The following HOOK1 variants were observed in gnomAD, a reference collection of about 807,000 sequenced individuals.
The protein encoded by HOOK1 is protein Hook homolog 1.
A neutral mutation model predicts 112.8 loss-of-function variants in HOOK1; 60 were observed. The observed-to-expected ratio is 0.53, with a 90% CI of 0.43 to 0.66. The LOEUF is 0.66. Among genes scored for constraint, HOOK1 ranks in the 30% least tolerant of loss-of-function variants. The probability of loss-of-function intolerance (pLI) is 0.00; values close to 1 mark genes in which losing one functional copy is unlikely to be tolerated. For synonymous variants in HOOK1, 294 were observed against 283.8 expected, an observed-to-expected ratio of 1.04 and a Z score of -0.36; for missense variants, 770 against 856.0, an observed-to-expected ratio of 0.90 and a Z score of 1.25.
At chr1:59,871,707 C>T (rs1644057598) in intron 21 of HOOK1, among the ~76,000 whole-genome samples, 1 of 152,142 alleles carries the variant, frequency 6.6e-6, no homozygotes. Flanking sequence ...GGTTCTTTTG[C>T]ATTATTCTAG....
chr1:59,842,037 T>C (rs1284833253), intron 8 of HOOK1, among the ~76,000 whole-genome samples: 1 of 152,232 alleles, frequency 6.6e-6, no homozygotes, highest in African/African-American at 2.4e-5. Context: ...TGGAGCCACA[T>C]TGAAGCATAT....
chr1:59,859,053 T>A lies in HOOK1; in HGVS notation c.1391+8T>A. 3 of 1,424,332 alleles carry A rather than the reference T, an allele frequency of 2.1e-6. No individual in the cohort carries two copies. Among genetic ancestry groups the A allele is most frequent in the Non-Finnish European group, 2.8e-6 (3 of 1,055,332 alleles). The allele number at this position is 1,424,332 out of a possible 1,614,324, so 88.2% of individuals were successfully genotyped here. A position where few individuals can be genotyped will look rare whatever the true frequency, so the allele number is the denominator to read the frequency against. On this transcript the variant is annotated splice_region_variant and intron_variant, in intron 14 of 21. Coordinates refer to ENST00000371208, the MANE Select transcript of HOOK1 (RefSeq NM_015888.6). ...TATGCCAGTGGAATATAGGTAAATT[T>A]GTTTCATAATTTGATAGAATTATAT... is the stretch of plus-strand genomic sequence containing the variant.
At chr1:59,827,052 A>G (rs554382554) in intron 2 of HOOK1, among the ~76,000 whole-genome samples, 1 of 152,260 alleles carries the variant, frequency 6.6e-6, no homozygotes, top group East Asian at 1.9e-4. Context: ...GGCATGAGCC[A>G]TGCGCCTGGC....
chr1:59,840,288 T>G lies in HOOK1; in HGVS notation c.538-20T>G. 6.5e-7 allele frequency: 1 copy of G among 1,536,080 alleles called. No homozygotes were observed. Among genetic ancestry groups the G allele is most frequent in the Non-Finnish European group, 8.8e-7 (1 of 1,140,770 alleles). ...TGTCAAAACACGATTTACTAAGATTTAGGACATTTTGTATTTCAGCTTAAA... is the reference window on the plus strand; with the variant it reads ...TGTCAAAACACGATTTACTAAGATTGAGGACATTTTGTATTTCAGCTTAAA... On this transcript the variant is annotated intron_variant, in intron 7 of 21. Coordinates refer to ENST00000371208, the MANE Select transcript of HOOK1 (RefSeq NM_015888.6).
intron 9 of HOOK1, 33 bp from the exon 10 acceptor site, chr1:59,847,012 A>G: frequency 6.5e-7 from 1 of 1,532,524 alleles, no homozygotes; most frequent in Non-Finnish European, 8.8e-7. Context: ...AAATCATGGA[A>G]GTTATAAATA....
chr1:59,835,473 C>A, intron 6 of HOOK1, 61 bp downstream of exon 6: 1 of 927,676 alleles, frequency 1.1e-6, no homozygotes. Flanking sequence ...CAAAACTTTT[C>A]ATACTTTATG....
At chr1:59,828,229 A>G (rs960661938) in intron 2 of HOOK1, among the ~76,000 whole-genome samples, 1 of 152,202 alleles carries the variant, frequency 6.6e-6, no homozygotes, top group Non-Finnish European at 1.5e-5. Flanking sequence ...CAGTATCAAT[A>G]TGGGACTTTG....
chr1:59,872,974 A>G lies in HOOK1; in HGVS notation c.*9A>G. The stretch of plus-strand genomic sequence containing the variant: ...CTACAACATCTGATTAAACTGCAAA[A>G]AAAACAAAACAAAACAAAAAAACCA... On this transcript the variant is annotated 3_prime_UTR_variant, in exon 22 of 22. Coordinates refer to ENST00000371208, the MANE Select transcript of HOOK1 (RefSeq NM_015888.6). 6.9e-7 allele frequency: 1 copy of G among 1,448,138 alleles called. No homozygotes were observed. The highest frequency in any genetic ancestry group is 9.2e-7 in the Non-Finnish European group (1 of 1,088,752). The allele number at this position is 1,448,138 out of a possible 1,614,324, so 89.7% of individuals were successfully genotyped here.
chr1:59,839,509 G>A (rs1384295938), intron 7 of HOOK1, among the ~76,000 whole-genome samples: 1 of 152,068 alleles, frequency 6.6e-6, no homozygotes, highest in African/African-American at 2.4e-5. Context: ...TTGGTGTATA[G>A]GAATGCTTGT....
chr1:59,851,659 C>A (rs1209399552), intron 12 of HOOK1, among the ~76,000 whole-genome samples: 2 of 151,408 alleles, frequency 1.3e-5, no homozygotes, highest in African/African-American at 2.4e-5. Flanking sequence ...ATTTTTCTTG[C>A]TAAGTTGTAC....
At chr1:59,869,631 T>C (rs2102076936) in intron 20 of HOOK1, among the ~76,000 whole-genome samples, 1 of 152,316 alleles carries the variant, frequency 6.6e-6, no homozygotes, top group East Asian at 1.9e-4. Flanking sequence ...TTAAAGACTT[T>C]AACACCCCCT....
In HOOK1 at chr1:59,872,803, A is replaced by T; in HGVS notation, c.2025A>T (p.Ala675=). ...IVSAWYNKSL[A]FQKLGMESRL... ...ATGTTTTTTTTTTTCAGAGTCTAGC[A>T]TTCCAGAAACTGGGGATGGAATCTA... The change falls in exon 22 of 22, where the codon GCA becomes GCT. Residue 675 remains alanine (A), a synonymous_variant. Transcript: ENST00000371208. The T allele has an allele frequency of 7.0e-7, 1 of 1,424,306 alleles. No individual in the cohort carries two copies. The highest frequency in any genetic ancestry group is 2.6e-5 in the East Asian group (1 of 37,862). The allele number at this position is 1,424,306 out of a possible 1,614,324, so 88.2% of individuals were successfully genotyped here. A position where few individuals can be genotyped will look rare whatever the true frequency, so the allele number is the denominator to read the frequency against.
chr1:59,820,366 A>G (rs1469415175), intron 1 of HOOK1, among the ~76,000 whole-genome samples: 1 of 152,178 alleles, frequency 6.6e-6, no homozygotes, highest in Non-Finnish European at 1.5e-5. Context: ...TAATGCCATT[A>G]AGTGTAAAAT....
chr1:59,863,591 G>C (rs113923909), intron 16 of HOOK1, among the ~76,000 whole-genome samples: 39 of 151,986 alleles, frequency 2.6e-4, no homozygotes, highest in Non-Finnish European at 4.9e-4. Flanking sequence ...AATGATTGAG[G>C]GATTGTTGTA....
intron 2 of HOOK1, among the ~76,000 whole-genome samples, chr1:59,824,336 T>C (rs1265514236): frequency 6.6e-6 from 1 of 152,040 alleles, no homozygotes; most frequent in African/African-American, 2.4e-5. Context: ...GCCTCCTCAG[T>C]AGCTGGGATT....
intron 1 of HOOK1, 79 bp downstream of exon 1, chr1:59,815,259 A>T: frequency 2.9e-6 from 4 of 1,361,300 alleles, no homozygotes; most frequent in Non-Finnish European, 4.0e-6. Context: ...CTCCCAGGTG[A>T]GCTGGGGCTA....
At chr1:59,858,899 CAAAG>C (rs1479325858) in intron 13 of HOOK1, 82 bp from the exon 14 acceptor site, 6 of 575,258 alleles carry the variant, frequency 1.0e-5, no homozygotes, top group South Asian at 2.5e-5. Flanking sequence ...GAAAGAAAAA[CAAAG>C]AGAGGGAGGG....
chr1:59,843,767 A>C (rs2098402223), intron 9 of HOOK1, among the ~76,000 whole-genome samples, 169 bp downstream of exon 9: 1 of 152,034 alleles, frequency 6.6e-6, no homozygotes, highest in Admixed American at 6.6e-5. Flanking sequence ...CACAGGGCTA[A>C]CATCCAGTTA....
intron 12 of HOOK1, among the ~76,000 whole-genome samples, chr1:59,855,976 A>ATTTTTTTT (rs2098410441): frequency 1.4e-5 from 1 of 70,608 alleles, no homozygotes; most frequent in Non-Finnish European, 2.7e-5. Flanking sequence ...TTATATATAT[A>ATTTTTTTT]TATATATATT....
Sources: allele counts gnomAD v4.1 joint callset (sites outside exome capture counted in the v4.1 genomes callset), GRCh38; gene constraint gnomAD v4.1.1; transcripts MANE v1.5; gene names NCBI Gene and HGNC (gene_info 2026-07-23, HGNC 2026-07-21).